The following SLC67A1 variants were observed in gnomAD, a reference collection of about 807,000 sequenced individuals.
The protein encoded by SLC67A1 is solute carrier family 67 member A1.
chr11:2,915,287 G>A, the SLC67A1 span: 1 of 957,164 alleles, frequency 1.0e-6, no homozygotes, highest in Non-Finnish European at 1.2e-6. Context: ...GCCCGTGTGT[G>A]TGTGTGTGTG....
chr11:2,905,584 CA>C, the SLC67A1 span, among the ~76,000 whole-genome samples: 2 of 152,168 alleles, frequency 1.3e-5, no homozygotes, highest in Admixed American at 6.5e-5. Flanking sequence ...CATTGATGGA[CA>C]TTTGGGTTGG....
chr11:2,909,556 A>T, the SLC67A1 span: 10 of 1,518,472 alleles, frequency 6.6e-6, no homozygotes, highest in Non-Finnish European at 8.8e-6. Context: ...TTCGCCGCTC[A>T]GCTCCCCCGC....
the SLC67A1 span, chr11:2,909,245 G>A: frequency 5.8e-6 from 9 of 1,538,548 alleles, no homozygotes; most frequent in Non-Finnish European, 7.8e-6. Context: ...CTCCTTCCTG[G>A]CTGCCTTGGC....
the SLC67A1 span, chr11:2,909,283 CAG>C: frequency 1.3e-6 from 2 of 1,534,706 alleles, no homozygotes; most frequent in East Asian, 4.9e-5. Flanking sequence ...CGGCCGCCTC[CAG>C]CCCGGCCCTG....
At chr11:2,916,612 T>C in the SLC67A1 span, 1 of 1,607,770 alleles carries the variant, frequency 6.2e-7, no homozygotes. Flanking sequence ...GCCGAGGCTG[T>C]TGCCCGCAGG....
the SLC67A1 span, among the ~76,000 whole-genome samples, chr11:2,906,553 GT>G: frequency 6.6e-6 from 1 of 151,940 alleles, no homozygotes; most frequent in African/African-American, 2.4e-5. Flanking sequence ...AAAAGGATGA[GT>G]TCATGTCCTT....
chr11:2,916,908 C>T, the SLC67A1 span: 3 of 618,316 alleles, frequency 4.9e-6, no homozygotes, highest in Admixed American at 5.8e-5. Context: ...TCATAGAAGC[C>T]AAGTGAGGTG....
chr11:2,908,624 G>A, the SLC67A1 span, among the ~76,000 whole-genome samples: 1 of 152,220 alleles, frequency 6.6e-6, no homozygotes, highest in African/African-American at 2.4e-5. Context: ...CAGGCAGGAG[G>A]GACTTTGGGG....
the SLC67A1 span, among the ~76,000 whole-genome samples, chr11:2,911,834 C>G: frequency 6.6e-6 from 1 of 152,298 alleles, no homozygotes; most frequent in African/African-American, 2.4e-5. Flanking sequence ...TTTCCCCCAT[C>G]ACAGCTGCTG....
chr11:2,902,055 G>C, the SLC67A1 span: 3 of 152,282 alleles, frequency 2.0e-5, no homozygotes, highest in African/African-American at 7.2e-5. Context: ...CAGGATTCAA[G>C]CTGGAGGGGG....
At chr11:2,909,564 C>G in the SLC67A1 span, 46 of 1,524,460 alleles carry the variant, frequency 3.0e-5, no homozygotes, top group Non-Finnish European at 3.6e-5. Context: ...TCAGCTCCCC[C>G]GCCCCGTCCC....
At chr11:2,924,992 C>T in the SLC67A1 span, 1 of 1,591,760 alleles carries the variant, frequency 6.3e-7, no homozygotes, top group Non-Finnish European at 8.6e-7. This position sits in a 1 kb window ranked among gnomAD's most constrained non-coding sequence, Gnocchi z 8.6. Context: ...GGCCTGACTA[C>T]CCCCATGCAC....
chr11:2,921,230 CA>C, the SLC67A1 span: 27,265 of 112,086 alleles, frequency 0.24, 2,209 homozygotes, highest in Middle Eastern at 0.31. Flanking sequence ...GACGCCATCT[CA>C]AAAAAAAAAA....
At chr11:2,911,784 G>A in the SLC67A1 span, among the ~76,000 whole-genome samples, 5 of 152,248 alleles carry the variant, frequency 3.3e-5, no homozygotes, top group East Asian at 1.9e-4. Flanking sequence ...CTGCAGGCCC[G>A]TCTACGAGGC....
At chr11:2,913,372 G>A in the SLC67A1 span, among the ~76,000 whole-genome samples, 96 of 152,172 alleles carry the variant, frequency 6.3e-4, no homozygotes, top group Admixed American at 1.7e-3. Context: ...GCCTCCTGCT[G>A]GGCCCGTGAG....
the SLC67A1 span, among the ~76,000 whole-genome samples, chr11:2,907,683 C>T: frequency 6.6e-6 from 1 of 152,116 alleles, no homozygotes; most frequent in Middle Eastern, 3.4e-3. The surrounding 1 kb of genome is among the most constrained non-coding windows in gnomAD (Gnocchi z 6.7). Context: ...GAGGCAGGGG[C>T]AGGGGGAGGA....
chr11:2,921,996 A>C, the SLC67A1 span: 1 of 825,238 alleles, frequency 1.2e-6, no homozygotes. Context: ...GGCCCTGGCC[A>C]CCACAGGCCA....
chr11:2,900,562 G>A, the SLC67A1 span, among the ~76,000 whole-genome samples: 21 of 151,792 alleles, frequency 1.4e-4, no homozygotes, highest in East Asian at 1.2e-3. Context: ...GGGCTGTGGC[G>A]GGCGCCTGTA....
chr11:2,924,011 C>T, the SLC67A1 span, among the ~76,000 whole-genome samples: 1 of 152,300 alleles, frequency 6.6e-6, no homozygotes, highest in African/African-American at 2.4e-5. This position sits in a 1 kb window ranked among gnomAD's most constrained non-coding sequence, Gnocchi z 8.6. Context: ...GAGACCTGGG[C>T]TCTGAAGTCC....
Sources: allele counts gnomAD v4.1 joint callset (sites outside exome capture counted in the v4.1 genomes callset), GRCh38; gene constraint gnomAD v4.1.1; non-coding constraint Gnocchi (gnomAD v3.1); transcripts MANE v1.5; gene names NCBI Gene and HGNC (gene_info 2026-07-23, HGNC 2026-07-21).